Variants in SLCO2A1 observed in about 807,000 individuals in gnomAD.
SLCO2A1 encodes the protein matrin F/G 1.
Under a neutral mutation model 71.7 loss-of-function variants are expected in SLCO2A1, and 60 were observed. The ratio of observed to expected loss-of-function variants is 0.84; its 90% CI spans 0.68 to 1.04. SLCO2A1 has a LOEUF of 1.04. Ranked by LOEUF, SLCO2A1 falls within the 50% of genes least tolerant of loss-of-function variation. The probability of loss-of-function intolerance (pLI) is 0.00; values close to 1 mark genes in which losing one functional copy is unlikely to be tolerated. For synonymous variants in SLCO2A1, 308 were observed against 326.7 expected, an observed-to-expected ratio of 0.94 and a Z score of 0.62; for missense variants, 745 against 813.4, an observed-to-expected ratio of 0.92 and a Z score of 1.02.
At chr3:133,991,050 C>T (rs1358990498) in intron 1 of SLCO2A1, among the ~76,000 whole-genome samples, 1 of 152,078 alleles carries the variant, frequency 6.6e-6, no homozygotes. Flanking sequence ...GCAGAGACTG[C>T]AGTGAGCCAA....
intron 1 of SLCO2A1, among the ~76,000 whole-genome samples, chr3:134,020,888 A>C (rs1935561262): frequency 6.6e-6 from 1 of 151,230 alleles, no homozygotes; most frequent in South Asian, 2.1e-4. Flanking sequence ...GCTTGGCCTG[A>C]TCACCCATGG....
intron 1 of SLCO2A1, among the ~76,000 whole-genome samples, chr3:133,982,239 T>C (rs1934611494): frequency 6.6e-6 from 1 of 152,162 alleles, no homozygotes; most frequent in African/African-American, 2.4e-5. Flanking sequence ...AAGAGACAAT[T>C]TGACTTCAGA....
intron 3 of SLCO2A1, among the ~76,000 whole-genome samples, chr3:133,970,116 G>C (rs1413222501): frequency 6.6e-6 from 1 of 152,168 alleles, no homozygotes; most frequent in East Asian, 1.9e-4. Context: ...TCTCCTTTGG[G>C]ATCCAGAAAG....
At chr3:133,996,227 G>A (rs1382231486) in intron 1 of SLCO2A1, among the ~76,000 whole-genome samples, 1 of 152,134 alleles carries the variant, frequency 6.6e-6, no homozygotes, top group East Asian at 1.9e-4. Flanking sequence ...GGTGGCCTAG[G>A]CCCACCCACC....
chr3:134,001,507 C>T (rs1350119644), intron 1 of SLCO2A1, among the ~76,000 whole-genome samples: 1 of 152,204 alleles, frequency 6.6e-6, no homozygotes, highest in Non-Finnish European at 1.5e-5. Flanking sequence ...CTTCTGTGAC[C>T]TCACCTCTTT....
At chr3:133,938,291 T>C in intron 12 of SLCO2A1, 138 bp downstream of exon 12, 1 of 766,674 alleles carries the variant, frequency 1.3e-6, no homozygotes, top group Non-Finnish European at 2.3e-6. Context: ...GATTTTGGCA[T>C]CTGCTGTTGA....
chr3:134,011,614 C>A (rs752408928), intron 1 of SLCO2A1, among the ~76,000 whole-genome samples: 1 of 152,236 alleles, frequency 6.6e-6, no homozygotes, highest in Non-Finnish European at 1.5e-5. Flanking sequence ...CTGCCACATA[C>A]CACCCTGCGG....
rs565389808 is a variant in SLCO2A1 at position 133,984,124 on chromosome 3, T to G, written c.97-4506A>C. On this transcript the variant is annotated intron_variant, in intron 1 of 13. Transcript: ENST00000310926. ...CAAATTAGTAATGAATTAACAGGAGTGACTAATCATCACCAACTTCTCCAG... is the reference window on the plus strand; with the variant it reads ...CAAATTAGTAATGAATTAACAGGAGGGACTAATCATCACCAACTTCTCCAG... 3.2e-4 allele frequency among the ~76,000 whole-genome samples: 49 copies of G among 152,132 alleles called. No homozygotes were observed. The Middle Eastern group carries it at 0.014, about 42-fold the overall frequency.
At chr3:133,977,829 A>C (rs776274692) in intron 2 of SLCO2A1, among the ~76,000 whole-genome samples, 17 of 152,120 alleles carry the variant, frequency 1.1e-4, no homozygotes, top group Non-Finnish European at 1.9e-4. Flanking sequence ...CAGGGCAGGG[A>C]CACCAGGGTG....
chr3:133,967,808 C>G (rs1934217660), intron 3 of SLCO2A1, among the ~76,000 whole-genome samples: 1 of 141,310 alleles, frequency 7.1e-6, no homozygotes, highest in Non-Finnish European at 1.6e-5. Flanking sequence ...CCTTCACAGG[C>G]ACCCCACCCC....
At chr3:133,991,933 A>C (rs553187380) in intron 1 of SLCO2A1, among the ~76,000 whole-genome samples, 1 of 152,382 alleles carries the variant, frequency 6.6e-6, no homozygotes, top group African/African-American at 2.4e-5. Flanking sequence ...GAGGACTGGC[A>C]CATCTGTCCT....
chr3:133,966,892 A>C (rs927896618), intron 3 of SLCO2A1, among the ~76,000 whole-genome samples: 2 of 152,200 alleles, frequency 1.3e-5, no homozygotes, highest in African/African-American at 4.8e-5. Context: ...GGGGACCTCA[A>C]GGCATCTTGC....
Position 133,955,155 on chromosome 3 carries a change from G to C in SLCO2A1, c.436C>G (p.His146Asp), listed in dbSNP as rs1235957809. 1.2e-6 allele frequency: 2 copies of C among 1,614,106 alleles called. No individual in the cohort carries two copies. Among genetic ancestry groups the C allele is most frequent in the Non-Finnish European group, 1.7e-6 (2 of 1,179,994 alleles). Residue 146 changes from histidine to aspartate, a missense_variant, in exon 4 of 14, where the codon CAT becomes GAT. His to Asp is a moderately conservative substitution (Grantham distance 81, BLOSUM62 -1). Transcript: ENST00000310926. ...TTACTGGGAGGCAGGTCCTGCCAAT[G>C]CTTCTGGCAGAGCTCGGCCTGCAAG... ...SRLQAELCQK[H>D]WQDLPPSKCH...
intron 3 of SLCO2A1, among the ~76,000 whole-genome samples, chr3:133,959,359 A>G (rs1295822727): frequency 6.6e-6 from 1 of 151,714 alleles, no homozygotes; most frequent in East Asian, 1.9e-4. Context: ...CAAAACTACA[A>G]TGAGATATCA....
chr3:134,023,212 GC>G (rs147511612), intron 1 of SLCO2A1, among the ~76,000 whole-genome samples: 4,891 of 152,262 alleles, frequency 0.032, 197 homozygotes, highest in Admixed American at 0.077. Context: ...AGAATTGTGG[GC>G]CATAGTCCCA....
intron 11 of SLCO2A1, among the ~76,000 whole-genome samples, chr3:133,942,149 A>G (rs148871874): frequency 1.8e-3 from 274 of 152,272 alleles, no homozygotes; most frequent in African/African-American, 6.2e-3. Context: ...ACTGGCCACC[A>G]CGCCCAGCTA....
At chr3:134,021,602 G>A (rs1935579450) in intron 1 of SLCO2A1, among the ~76,000 whole-genome samples, 1 of 151,774 alleles carries the variant, frequency 6.6e-6, no homozygotes, top group East Asian at 1.9e-4. Context: ...AAGAAAAGAG[G>A]CAAAGAGAGA....
At chr3:133,992,113 A>G (rs1056613574) in intron 1 of SLCO2A1, among the ~76,000 whole-genome samples, 2 of 152,208 alleles carry the variant, frequency 1.3e-5, no homozygotes, top group African/African-American at 4.8e-5. Flanking sequence ...TTAGTTTAGT[A>G]CGCTCAACTT....
At chr3:134,018,561 C>T (rs533211748) in intron 1 of SLCO2A1, among the ~76,000 whole-genome samples, 4 of 152,246 alleles carry the variant, frequency 2.6e-5, no homozygotes, top group African/African-American at 7.2e-5. Flanking sequence ...CAGTCTCCAC[C>T]GGGATGTTCC....
Sources: allele counts gnomAD v4.1 joint callset (sites outside exome capture counted in the v4.1 genomes callset), GRCh38; gene constraint gnomAD v4.1.1; transcripts MANE v1.5; gene names NCBI Gene and HGNC (gene_info 2026-07-23, HGNC 2026-07-21).